Variants in NXPE2 observed in about 807,000 individuals in gnomAD.
NXPE2 encodes the protein NXPE family member 2.
Under a neutral mutation model 34.4 loss-of-function variants are expected in NXPE2, and 34 were observed. The observed-to-expected ratio is 0.99, with a 90% CI of 0.75 to 1.31. The LOEUF (loss-of-function observed/expected upper bound fraction) is 1.31, where lower values mean the gene tolerates loss of function less well. Among genes scored for constraint, NXPE2 ranks in the 40% most tolerant of loss-of-function variants. NXPE2 has a pLI of 0.00. For synonymous variants in NXPE2, 235 were observed against 231.3 expected, an observed-to-expected ratio of 1.02 and a Z score of -0.15; for missense variants, 649 against 672.5, an observed-to-expected ratio of 0.97 and a Z score of 0.39.
the NXPE2 span, among the ~76,000 whole-genome samples, chr11:114,746,044 T>C: frequency 3.3e-5 from 5 of 152,310 alleles, no homozygotes; most frequent in East Asian, 9.6e-4. Context: ...TAAAATAGTA[T>C]ATTTTATGTT....
At chr11:114,498,605 C>A in the NXPE2 span, among the ~76,000 whole-genome samples, 199 of 152,158 alleles carry the variant, frequency 1.3e-3, no homozygotes, top group African/African-American at 4.6e-3. Context: ...ATAATATTGG[C>A]TATCAATATG....
the NXPE2 span, among the ~76,000 whole-genome samples, chr11:114,531,119 A>C: frequency 6.6e-6 from 1 of 151,716 alleles, no homozygotes; most frequent in East Asian, 1.9e-4. Context: ...TAATATTATT[A>C]TATATTATTA....
chr11:114,699,179 T>C (rs1402420918), intron 3 of NXPE2, among the ~76,000 whole-genome samples: 1 of 152,140 alleles, frequency 6.6e-6, no homozygotes, highest in Non-Finnish European at 1.5e-5. Flanking sequence ...TTACATCCAG[T>C]GAATCATCAA....
chr11:114,784,630 A>G, the NXPE2 span, among the ~76,000 whole-genome samples: 7 of 152,318 alleles, frequency 4.6e-5, no homozygotes, highest in Non-Finnish European at 8.8e-5. Context: ...TTTCCACAGA[A>G]AAACCTCTTC....
the NXPE2 span, among the ~76,000 whole-genome samples, chr11:114,610,217 A>G: frequency 2.0e-5 from 3 of 151,946 alleles, no homozygotes; most frequent in Non-Finnish European, 1.5e-5. Flanking sequence ...TACCCAGTCA[A>G]TAATAAGTGT....
chr11:114,505,894 G>A, the NXPE2 span, among the ~76,000 whole-genome samples: 1 of 151,824 alleles, frequency 6.6e-6, no homozygotes, highest in East Asian at 1.9e-4. Flanking sequence ...AATGTAAATG[G>A]GCTAAATGCC....
the NXPE2 span, among the ~76,000 whole-genome samples, chr11:114,736,506 G>A: frequency 4.5e-4 from 69 of 152,316 alleles, 2 homozygotes; most frequent in South Asian, 0.014. Flanking sequence ...AGAGTTTAAG[G>A]TTATCTCTCT....
chr11:114,653,305 A>G, the NXPE2 span, among the ~76,000 whole-genome samples: 2 of 152,238 alleles, frequency 1.3e-5, no homozygotes, highest in African/African-American at 4.8e-5. Flanking sequence ...ATATTGTTCA[A>G]GAAAGCAGCA....
At chr11:114,610,698 C>T in the NXPE2 span, among the ~76,000 whole-genome samples, 120 of 151,912 alleles carry the variant, frequency 7.9e-4, no homozygotes, top group African/African-American at 1.0e-3. Context: ...CACTGTTACC[C>T]GGTGGATAAT....
chr11:114,775,020 C>T, the NXPE2 span, among the ~76,000 whole-genome samples: 1 of 152,216 alleles, frequency 6.6e-6, no homozygotes, highest in Admixed American at 6.5e-5. Flanking sequence ...GTAAGTCCTA[C>T]AGCTGGGGGG....
chr11:114,720,291 G>A, the NXPE2 span, among the ~76,000 whole-genome samples: 8 of 152,328 alleles, frequency 5.3e-5, no homozygotes, highest in South Asian at 1.4e-3. Flanking sequence ...ACAGAGGGGC[G>A]ACTCAGCTAG....
At chr11:114,497,635 T>C in the NXPE2 span, among the ~76,000 whole-genome samples, 1 of 152,228 alleles carries the variant, frequency 6.6e-6, no homozygotes, top group East Asian at 1.9e-4. Context: ...TGTGGTAGGC[T>C]ATGCCATCTA....
the NXPE2 span, among the ~76,000 whole-genome samples, chr11:114,481,206 G>A: frequency 6.6e-6 from 1 of 152,124 alleles, no homozygotes; most frequent in Non-Finnish European, 1.5e-5. Context: ...TGTAATATTT[G>A]AATAATACTT....
At chr11:114,557,630 AATACATAT>A in the NXPE2 span, among the ~76,000 whole-genome samples, 1 of 76,996 alleles carries the variant, frequency 1.3e-5, no homozygotes, top group Non-Finnish European at 2.5e-5. Flanking sequence ...TATTATATAT[AATACATAT>A]ATATATATAT....
the NXPE2 span, among the ~76,000 whole-genome samples, chr11:114,514,843 AT>A: frequency 6.6e-6 from 1 of 152,004 alleles, no homozygotes; most frequent in East Asian, 1.9e-4. Context: ...CTATGACTGT[AT>A]TTTTTGCTTA....
chr11:114,771,279 C>T, the NXPE2 span, among the ~76,000 whole-genome samples: 7 of 151,054 alleles, frequency 4.6e-5, no homozygotes, highest in African/African-American at 7.3e-5. Context: ...ACCAGAATAC[C>T]GTAGTAACTC....
the NXPE2 span, among the ~76,000 whole-genome samples, chr11:114,618,956 G>T: frequency 1.3e-5 from 2 of 151,708 alleles, no homozygotes; most frequent in Non-Finnish European, 2.9e-5. Context: ...AAGTAGTACC[G>T]CATGGGTAAA....
the NXPE2 span, among the ~76,000 whole-genome samples, chr11:114,750,032 C>T: frequency 3.9e-5 from 6 of 152,158 alleles, no homozygotes; most frequent in African/African-American, 1.4e-4. Context: ...TCTTCTCACC[C>T]ACCCAGGCTC....
the NXPE2 span, among the ~76,000 whole-genome samples, chr11:114,726,069 C>A: frequency 2.9e-4 from 44 of 149,406 alleles, no homozygotes; most frequent in African/African-American, 1.0e-3. Flanking sequence ...GACAAAAATT[C>A]TTTTAACTTA....
Sources: gnomAD v4.1 joint callset for allele counts (sites outside exome capture counted in the v4.1 genomes callset) on GRCh38, gnomAD v4.1.1 for gene constraint, MANE v1.5 for transcripts, NCBI Gene and HGNC (gene_info 2026-07-23, HGNC 2026-07-21) for gene names.